The following ITPKB variants were observed in gnomAD, a reference collection of about 807,000 sequenced individuals.
The protein encoded by ITPKB is IP3 3-kinase B.
In ITPKB, 13 loss-of-function variants were observed where a neutral mutation model predicts 69.4. The observed-to-expected ratio is 0.19, with a 90% CI of 0.12 to 0.30. The LOEUF is 0.30. ITPKB is among the 10% of genes least tolerant of loss of function. ITPKB has a pLI of 1.00. For synonymous variants in ITPKB, 584 were observed against 513.7 expected, an observed-to-expected ratio of 1.14 and a Z score of -1.85; for missense variants, 1,240 against 1,250.5, an observed-to-expected ratio of 0.99 and a Z score of 0.13.
intron 2 of ITPKB, among the ~76,000 whole-genome samples, chr1:226,684,812 G>A (rs1656163757): frequency 6.6e-6 from 1 of 152,082 alleles, no homozygotes. Flanking sequence ...CCCCAAAGAC[G>A]TCCCTAGAGG....
At chr1:226,694,180 G>A (rs1385212679) in intron 2 of ITPKB, among the ~76,000 whole-genome samples, 1 of 152,190 alleles carries the variant, frequency 6.6e-6, no homozygotes, top group Non-Finnish European at 1.5e-5. Flanking sequence ...TTCTTCTTTT[G>A]ATGCAGGATA....
Position 226,632,499 on chromosome 1 carries a change from G to A in ITPKB, c.*2172C>T, listed in dbSNP as rs1424409386. 5 of 151,320 alleles carry A rather than the reference G, an allele frequency of 3.3e-5. No homozygotes were observed. Among genetic ancestry groups the A allele is most frequent in the South Asian group, 2.1e-4 (1 of 4,750 alleles). 9.4% of individuals were successfully genotyped at this position (151,320 alleles called of 1,614,324 possible). A position where few individuals can be genotyped will look rare whatever the true frequency, so the allele number is the denominator to read the frequency against. On this transcript the variant is annotated 3_prime_UTR_variant, in exon 8 of 8. Transcript: ENST00000429204. The stretch of plus-strand genomic sequence containing the variant: ...AGTAGGTGTAGAAGAGAACTAGCAC[G>A]GTAAATACAAAAAAAGAGAAAAAAA...
intron 2 of ITPKB, among the ~76,000 whole-genome samples, chr1:226,652,000 T>C (rs1358457416): frequency 6.6e-6 from 1 of 152,236 alleles, no homozygotes; most frequent in Non-Finnish European, 1.5e-5. Flanking sequence ...CGTGGAATAT[T>C]CCACTTGTGA....
At position 226,634,838 on chromosome 1, in the gene ITPKB, T is replaced by G. The variant is rs776891963; in HGVS notation, c.2674A>C (p.Lys892Gln). The change falls in exon 8 of 8, where the codon AAA (lysine) becomes CAA (glutamine). Residue 892 changes from lysine (K) to glutamine (Q), a missense_variant. Around this residue, in one of 2 missense-constraint regions of ITPKB, gnomAD observed 248 missense variants for 396.7 expected, o/e 0.63. Transcript: ENST00000429204. The surrounding 1 kb of genome is among the most constrained non-coding windows in gnomAD (Gnocchi z 6.3). ...TTCCCAAAGTCGATCATCCACACTT[T>G]GGCCTGTTCCTTCTTGTCGTGGATG... The part of the protein sequence containing the change: ...LFIHDKKEQA[K>Q]VWMIDFGKTT... The G allele has an allele frequency of 1.9e-6, 3 of 1,614,050 alleles. No individual in the cohort carries two copies. Among genetic ancestry groups the G allele is most frequent in the Non-Finnish European group, 2.5e-6 (3 of 1,179,918 alleles).
rs147728059 is a variant in ITPKB at position 226,730,940 on chromosome 1, C to T, written c.1932+4587G>A. On this transcript the variant is annotated intron_variant, in intron 2 of 7. Coordinates refer to ENST00000429204, the MANE Select transcript of ITPKB (RefSeq NM_002221.4). Reference sequence around the variant, plus strand: ...AAATATATTTCTCTAAAAACACCGACTGACTGGTTTAATGTTTTCTTGTAG... The same window carrying T: ...AAATATATTTCTCTAAAAACACCGATTGACTGGTTTAATGTTTTCTTGTAG... Among the ~76,000 whole-genome samples the T allele has an allele frequency of 2.2e-3, 331 of 152,308 alleles. 1 individual carries two copies. The highest frequency in any genetic ancestry group is 2.4e-3 in the Non-Finnish European group (166 of 68,026).
In ITPKB at chr1:226,694,450, T is replaced by C. The variant is rs543560171; in HGVS notation, c.1932+41077A>G. 7.4e-4 allele frequency among the ~76,000 whole-genome samples: 113 copies of C among 152,336 alleles called. No individual in the cohort carries two copies. The South Asian group carries it at 0.023, about 31-fold the overall frequency. On this transcript the variant is annotated intron_variant, in intron 2 of 7. Transcript: ENST00000429204. ...CTTCTTTAATTAGTGACAGCAACAT[T>C]ACCAATTGGTATGGCGTGTCCTCAA...
At position 226,634,688 on chromosome 1, in the gene ITPKB, C is replaced by CG; in HGVS notation, c.2823_2824insC (p.Asp942ArgfsTer30). On this transcript the variant is annotated frameshift_variant, in exon 8 of 8. Coordinates refer to ENST00000429204, the MANE Select transcript of ITPKB (RefSeq NM_002221.4). LOFTEE classifies it high-confidence loss of function. This position sits in a 1 kb window ranked among gnomAD's most constrained non-coding sequence, Gnocchi z 6.3. ...TGGGCAGCTCAGGCGAGTGGGGCAT[C>CG]CTGGGACATCTCGGTCAGGATGTCG... 1 of 861,294 alleles carries CG rather than the reference C, an allele frequency of 1.2e-6. No homozygotes were observed. Among genetic ancestry groups the CG allele is most frequent in the Non-Finnish European group, 2.0e-6 (1 of 491,954 alleles). 53.4% of individuals were successfully genotyped at this position (861,294 alleles called of 1,614,324 possible). A position where few individuals can be genotyped will look rare whatever the true frequency, so the allele number is the denominator to read the frequency against.
intron 2 of ITPKB, among the ~76,000 whole-genome samples, chr1:226,669,542 C>G (rs1025679887): frequency 1.3e-5 from 2 of 152,150 alleles, no homozygotes; most frequent in African/African-American, 4.8e-5. Context: ...AACTGCCAGG[C>G]TAATGAACTT....
At chr1:226,725,291 T>A (rs1269936498) in intron 2 of ITPKB, among the ~76,000 whole-genome samples, 1 of 152,226 alleles carries the variant, frequency 6.6e-6, no homozygotes, top group Admixed American at 6.5e-5. Context: ...GGGTATTAAA[T>A]AAATGCCTGC....
rs1402797016 is a variant in ITPKB at position 226,735,975 on chromosome 1, G to A, written c.1484C>T (p.Pro495Leu). ...AGGCTGCACACCCACCCTGTCCCCA[G>A]GAGGGCACTGAGGTTCTTTCAGATC... ...AKDLKEPQCP[P>L]GDRVGVQPGN... The change falls in exon 2 of 8, where the codon CCT (proline) becomes CTT (leucine). Residue 495 changes from proline to leucine, a missense_variant. Pro to Leu is a moderately conservative substitution (Grantham distance 98, BLOSUM62 -3). Transcript: ENST00000429204. 1.2e-6 allele frequency: 2 copies of A among 1,614,016 alleles called. No individual in the cohort carries two copies. The highest frequency in any genetic ancestry group is 1.7e-6 in the Non-Finnish European group (2 of 1,180,026).
intron 2 of ITPKB, among the ~76,000 whole-genome samples, chr1:226,653,323 G>T (rs532611162): frequency 2.6e-5 from 4 of 152,268 alleles, no homozygotes; most frequent in African/African-American, 9.6e-5. Context: ...TTCCAGTCTC[G>T]AGACAGCAGG....
chr1:226,735,713 C>A lies in ITPKB; in HGVS notation c.1746G>T (p.Leu582Phe). Reference protein sequence around the residue: ...TDMGTQEDGALEETQGSPRGN... With the variant: ...TDMGTQEDGAFEETQGSPRGN... ...CCCGAGGGCTTCCCTGCGTCTCCTCCAAGGCCCCATCCTCCTGGGTGCCCA... is the reference window on the plus strand; with the variant it reads ...CCCGAGGGCTTCCCTGCGTCTCCTCAAAGGCCCCATCCTCCTGGGTGCCCA... The change falls in exon 2 of 8, where the codon TTG becomes TTT. Residue 582 changes from leucine to phenylalanine, a missense_variant. By Grantham distance (22) the Leu-to-Phe change is conservative. Around this residue, in one of 2 missense-constraint regions of ITPKB, gnomAD observed 992 missense variants for 853.8 expected, o/e 1.16. Coordinates refer to ENST00000429204, the MANE Select transcript of ITPKB (RefSeq NM_002221.4). 2 of 1,589,300 alleles carry A rather than the reference C, an allele frequency of 1.3e-6. No individual in the cohort carries two copies. Among genetic ancestry groups the A allele is most frequent in the Non-Finnish European group, 8.6e-7 (1 of 1,165,704 alleles).
At chr1:226,679,579 C>T (rs1196136575) in intron 2 of ITPKB, among the ~76,000 whole-genome samples, 1 of 152,204 alleles carries the variant, frequency 6.6e-6, no homozygotes, top group African/African-American at 2.4e-5. Flanking sequence ...TATTCTACCT[C>T]CCTTTTGAAC....
chr1:226,705,539 A>G (rs1026205810), intron 2 of ITPKB, among the ~76,000 whole-genome samples: 1 of 151,938 alleles, frequency 6.6e-6, no homozygotes, highest in African/African-American at 2.4e-5. Flanking sequence ...CAAAAAAAAA[A>G]AAAAAAAATG....
At chr1:226,734,718 T>C (rs1657694858) in intron 2 of ITPKB, among the ~76,000 whole-genome samples, 1 of 152,218 alleles carries the variant, frequency 6.6e-6, no homozygotes, top group African/African-American at 2.4e-5. Flanking sequence ...TCTACTGCCA[T>C]AACCAGAACA....
rs755584774 is a variant in ITPKB, at chr1:226,634,902, G to T, written c.2626-16C>A. The T allele has an allele frequency of 6.3e-7, 1 of 1,597,384 alleles. No homozygotes were observed. The highest frequency in any genetic ancestry group is 1.7e-5 in the Admixed American group (1 of 59,236). On this transcript the variant is annotated splice_polypyrimidine_tract_variant and intron_variant, in intron 7 of 7. Transcript: ENST00000429204. The surrounding 1 kb of genome is among the most constrained non-coding windows in gnomAD (Gnocchi z 6.3). ...TGCCAATGACCTGAGGAGAACATGG[G>T]GGTGAAGGGTGAGCTGAAGCCCGGG...
intron 3 of ITPKB, 62 bp downstream of exon 3, chr1:226,648,610 C>A (rs1669109287): frequency 7.9e-6 from 8 of 1,016,444 alleles, no homozygotes; most frequent in Non-Finnish European, 1.3e-5. Context: ...AATGCAGCGT[C>A]CAGGGCACCT....
chr1:226,715,568 A>C (rs1657075353), intron 2 of ITPKB, among the ~76,000 whole-genome samples: 1 of 152,260 alleles, frequency 6.6e-6, no homozygotes, highest in Non-Finnish European at 1.5e-5. Context: ...AATCAAAATG[A>C]ACTAACTACT....
chr1:226,697,901 C>A (rs77300357), intron 2 of ITPKB, among the ~76,000 whole-genome samples: 1 of 152,218 alleles, frequency 6.6e-6, no homozygotes, highest in Admixed American at 6.5e-5. Flanking sequence ...CCCCTGGGGG[C>A]AGCCCGGTCA....
Sources: allele counts gnomAD v4.1 joint callset (sites outside exome capture counted in the v4.1 genomes callset), GRCh38; gene constraint gnomAD v4.1.1; regional missense constraint gnomAD v4.1.1; non-coding constraint Gnocchi (gnomAD v3.1); transcripts MANE v1.5; gene names NCBI Gene and HGNC (gene_info 2026-07-23, HGNC 2026-07-21).